Variants in GDPD4 observed in about 807,000 individuals in gnomAD.
GDPD4 encodes glycerophosphodiester phosphodiesterase domain containing 4, also known as glycerophosphodiester phosphodiesterase 6.
GDPD4 carries 60 observed loss-of-function variants against 67.8 expected under a neutral mutation model. That is an observed-to-expected ratio of 0.88 (90% CI 0.72 to 1.10). GDPD4 has a LOEUF of 1.10. GDPD4 is among the 50% of genes least tolerant of loss of function. The probability of loss-of-function intolerance (pLI) is 0.00; values close to 1 mark genes in which losing one functional copy is unlikely to be tolerated. For synonymous variants in GDPD4, 212 were observed against 210.9 expected, an observed-to-expected ratio of 1.00 and a Z score of -0.04; for missense variants, 623 against 613.9, an observed-to-expected ratio of 1.01 and a Z score of -0.16.
chr11:77,255,831 C>T (rs1180809420), intron 11 of GDPD4, among the ~76,000 whole-genome samples: 3 of 152,050 alleles, frequency 2.0e-5, no homozygotes, highest in Non-Finnish European at 2.9e-5. Context: ...CACACCACCG[C>T]ATTCCACCCT....
intron 16 of GDPD4, among the ~76,000 whole-genome samples, chr11:77,224,514 G>A (rs1591525931): frequency 6.6e-6 from 1 of 152,320 alleles, no homozygotes; most frequent in Non-Finnish European, 1.5e-5. Flanking sequence ...GCCATGTTGT[G>A]AGGACCATGT....
chr11:77,279,399 C>A lies in GDPD4; in HGVS notation c.54G>T (p.Trp18Cys). 1.3e-6 allele frequency: 2 copies of A among 1,595,546 alleles called. No individual in the cohort carries two copies. The highest frequency in any genetic ancestry group is 1.7e-6 in the Non-Finnish European group (2 of 1,165,014). Residue 18 changes from tryptophan to cysteine, a missense_variant and splice_region_variant, in exon 4 of 17, where the codon TGG becomes TGT. Transcript: ENST00000315938. ...AGTATCCTGTTCCTAGAAAAGTGAC[C>A]CTGAAAAAAAATGTGTTTCAGTTCT... is the stretch of plus-strand genomic sequence containing the variant. ...ETSSEYFNFD[W>C]VTFLGTGYWF... is the part of the protein sequence containing the mutation.
chr11:77,221,980 G>C (rs9705093), intron 16 of GDPD4, among the ~76,000 whole-genome samples: 1 of 150,308 alleles, frequency 6.7e-6, no homozygotes, highest in African/African-American at 2.4e-5. Flanking sequence ...TTACCATTAT[G>C]TAATGGCCTT....
In GDPD4 at chr11:77,281,629, T is replaced by C. The variant is rs191298353; in HGVS notation, c.54-2230A>G. On this transcript the variant is annotated intron_variant, in intron 3 of 16. Coordinates refer to ENST00000315938, the MANE Select transcript of GDPD4 (RefSeq NM_182833.3). ...TTGGGGTAATTTTTCTCTAGAAGGA[T>C]TGGCTGAGGTACAGGAAGCTCTTGT... Among the ~76,000 whole-genome samples, 188 of 152,278 alleles carry C rather than the reference T, an allele frequency of 1.2e-3. 2 individuals are homozygous for C. The highest frequency in any genetic ancestry group is 6.8e-3 in the Middle Eastern group (2 of 294).
rs774064639 is a variant in GDPD4, at chr11:77,258,416, C to T, written c.834G>A (p.Leu278=). 6 of 1,614,140 alleles carry T rather than the reference C, an allele frequency of 3.7e-6. No homozygotes were observed. Among genetic ancestry groups the T allele is most frequent in the Non-Finnish European group, 1.7e-6 (2 of 1,179,998 alleles). ...GTTTTACAAACCATTTGCCTGCATTCAGAGTCGATAGGAAATCCCAGTTGA... is the reference window on the plus strand; with the variant it reads ...GTTTTACAAACCATTTGCCTGCATTTAGAGTCGATAGGAAATCCCAGTTGA... ...AFFNWDFLST[L]NAGKWFVKPE... The change falls in exon 11 of 17, where the codon CTG becomes CTA. Residue 278 remains leucine (L), a synonymous_variant. Transcript: ENST00000315938.
intron 10 of GDPD4, among the ~76,000 whole-genome samples, chr11:77,263,518 G>T (rs1298363422): frequency 6.6e-6 from 1 of 152,102 alleles, no homozygotes; most frequent in Non-Finnish European, 1.5e-5. Context: ...CCAAAAGGAG[G>T]CAGGAAAGGA....
chr11:77,222,130 A>G (rs907923381), intron 16 of GDPD4, among the ~76,000 whole-genome samples: 28 of 152,148 alleles, frequency 1.8e-4, no homozygotes, highest in Admixed American at 6.5e-4. Flanking sequence ...TGCACTTGAG[A>G]TGGGGCTCCT....
intron 10 of GDPD4, among the ~76,000 whole-genome samples, chr11:77,263,619 CA>C (rs1959161286): frequency 6.6e-6 from 1 of 151,980 alleles, no homozygotes; most frequent in Admixed American, 6.6e-5. Flanking sequence ...TATTTTAATA[CA>C]ATATTTAAAA....
intron 16 of GDPD4, among the ~76,000 whole-genome samples, chr11:77,226,534 A>C (rs889247392): frequency 2.6e-5 from 4 of 152,114 alleles, no homozygotes; most frequent in African/African-American, 9.7e-5. Context: ...CTCCTCACCA[A>C]ATTTGCCAGC....
chr11:77,226,189 T>A (rs957288953), intron 16 of GDPD4, among the ~76,000 whole-genome samples: 3 of 152,164 alleles, frequency 2.0e-5, no homozygotes, highest in African/African-American at 7.2e-5. Context: ...TTTCAAAACT[T>A]CTTTCCCAGC....
At chr11:77,271,274 G>C (rs1337779689) in intron 6 of GDPD4, 21 bp downstream of exon 6, 1 of 1,608,120 alleles carries the variant, frequency 6.2e-7, no homozygotes, top group Admixed American at 1.7e-5. Context: ...GCTAGTGCTG[G>C]AGCTATAGGA....
At chr11:77,235,019 T>TTTTGTTTG (rs1958529292) in intron 13 of GDPD4, among the ~76,000 whole-genome samples, 1 of 129,888 alleles carries the variant, frequency 7.7e-6, no homozygotes, top group African/African-American at 2.7e-5. Flanking sequence ...GTTTTTTTTT[T>TTTTGTTTG]TTTTTTTTTT....
intron 16 of GDPD4, among the ~76,000 whole-genome samples, chr11:77,225,138 CA>C (rs1958303356): frequency 1.3e-5 from 2 of 151,766 alleles, no homozygotes; most frequent in African/African-American, 4.8e-5. Flanking sequence ...GTAAACACAG[CA>C]ATAGAATCTA....
At chr11:77,263,895 G>A (rs1019955399) in intron 10 of GDPD4, among the ~76,000 whole-genome samples, 35 of 152,178 alleles carry the variant, frequency 2.3e-4, no homozygotes, top group African/African-American at 8.2e-4. Flanking sequence ...CATTAGTAGA[G>A]AGGGAGTAAG....
rs145726471 is a variant in GDPD4, at chr11:77,258,452, G to A, written c.798C>T (p.Asn266=). The change falls in exon 11 of 17, where the codon AAC becomes AAT. Residue 266 remains asparagine, a synonymous_variant. Transcript: ENST00000315938. ...GGAAATCCCAGTTGAAGAAGGCAGG[G>A]TTCTCGCAGGCAGATTCTGGCTGAA... ...GEVQPESACE[N]PAFFNWDFLS... 17 of 1,614,030 alleles carry A rather than the reference G, an allele frequency of 1.1e-5. No homozygotes were observed. Among genetic ancestry groups the A allele is most frequent in the East Asian group, 8.9e-5 (4 of 44,904 alleles).
In GDPD4 at chr11:77,243,783, C is replaced by T; in HGVS notation, c.1152G>A (p.Val384=). The T allele has an allele frequency of 6.2e-7, 1 of 1,613,364 alleles. No individual in the cohort carries two copies. ...VRSVAPGFQH[V]GRLVSIETLA... is the part of the protein sequence containing the mutation. ...GGGTTTCAATGGATACTAAACGGCCCACATGCTGAAAACCAGGAGCCACGG... is the reference window on the plus strand; with the variant it reads ...GGGTTTCAATGGATACTAAACGGCCTACATGCTGAAAACCAGGAGCCACGG... The change falls in exon 13 of 17, where the codon GTG becomes GTA. Residue 384 remains valine, a synonymous_variant. Coordinates refer to ENST00000315938, the MANE Select transcript of GDPD4 (RefSeq NM_182833.3).
chr11:77,229,386 CACAG>C (rs1958411131), intron 14 of GDPD4, among the ~76,000 whole-genome samples, 154 bp from the exon 15 acceptor site: 1 of 152,208 alleles, frequency 6.6e-6, no homozygotes, highest in Admixed American at 6.5e-5. Flanking sequence ...CATTCTCAAA[CACAG>C]ACAGTCCCTG....
rs1476412160 is a variant in GDPD4, at chr11:77,301,647, A to C, written c.-296T>G. 2.6e-5 allele frequency: 4 copies of C among 152,018 alleles called. No homozygotes were observed. The highest frequency in any genetic ancestry group is 7.3e-5 in the African/African-American group (3 of 41,358). 9.4% of individuals were successfully genotyped at this position (152,018 alleles called of 1,614,324 possible). ...AACCCAAATCCAATCTTCACGCCTG[A>C]GGAGACCAGCGTCTCTTAAGATGGA... On this transcript the variant is annotated 5_prime_UTR_variant, in exon 1 of 17. Coordinates refer to ENST00000315938, the MANE Select transcript of GDPD4 (RefSeq NM_182833.3).
intron 13 of GDPD4, among the ~76,000 whole-genome samples, chr11:77,233,659 A>G (rs1414903333): frequency 1.3e-5 from 2 of 152,116 alleles, no homozygotes; most frequent in Non-Finnish European, 2.9e-5. Context: ...ACTCGCTTCT[A>G]TCAGAGCACT....
Sources: gnomAD v4.1 joint callset for allele counts (sites outside exome capture counted in the v4.1 genomes callset) on GRCh38, gnomAD v4.1.1 for gene constraint, MANE v1.5 for transcripts, NCBI Gene and HGNC (gene_info 2026-07-23, HGNC 2026-07-21) for gene names.